B3GLCT: variants seen among roughly 807,000 people sequenced by gnomAD.
The protein encoded by B3GLCT is beta-1,3-glucosyltransferase.
B3GLCT carries 65 observed loss-of-function variants against 63.4 expected under a neutral mutation model. That is an observed-to-expected ratio of 1.03 (90% CI 0.84 to 1.26). The LOEUF is 1.26. B3GLCT is among the 50% of genes most tolerant of loss of function. The probability of loss-of-function intolerance (pLI) is 0.00; values close to 1 mark genes in which losing one functional copy is unlikely to be tolerated. For missense variants in B3GLCT, 577 were observed against 604.8 expected (o/e 0.95, Z 0.48); for synonymous variants, 233 against 219.2 (o/e 1.06, Z -0.55).
intron 12 of B3GLCT, among the ~76,000 whole-genome samples, chr13:31,299,515 G>T (rs1460187727): frequency 1.3e-5 from 2 of 152,138 alleles, no homozygotes; most frequent in Non-Finnish European, 2.9e-5. Flanking sequence ...ACCAGTCTCT[G>T]TATTGCCAGC....
chr13:31,258,789 C>A (rs752437875), intron 6 of B3GLCT, among the ~76,000 whole-genome samples: 1 of 152,154 alleles, frequency 6.6e-6, no homozygotes, highest in Admixed American at 6.5e-5. Context: ...TATTTGTTCT[C>A]ACCGGAGTTT....
chr13:31,204,824 T>G (rs1868862979), intron 1 of B3GLCT, among the ~76,000 whole-genome samples: 1 of 152,030 alleles, frequency 6.6e-6, no homozygotes, highest in Non-Finnish European at 1.5e-5. Flanking sequence ...TTAGGTTCAG[T>G]GTGCTGGGAG....
chr13:31,215,032 C>A lies in B3GLCT; in HGVS notation c.71-19C>A. The A allele has an allele frequency of 8.0e-7, 1 of 1,256,088 alleles. No individual in the cohort carries two copies. The highest frequency in any genetic ancestry group is 1.1e-6 in the Non-Finnish European group (1 of 906,708). The allele number at this position is 1,256,088 out of a possible 1,614,324, so 77.8% of individuals were successfully genotyped here. On this transcript the variant is annotated intron_variant, in intron 1 of 14. Transcript: ENST00000343307. ...TGCTAATTCTAAGGTAGAAATATTT[C>A]TTTTTTTTTTTTTTCCAGCTTTTGG... is the stretch of plus-strand genomic sequence containing the variant.
At chr13:31,280,400 A>G (rs1873013030) in intron 10 of B3GLCT, among the ~76,000 whole-genome samples, 1 of 152,184 alleles carries the variant, frequency 6.6e-6, no homozygotes, top group Non-Finnish European at 1.5e-5. Flanking sequence ...TGTGGTAGAA[A>G]TACTTCAGTA....
At chr13:31,317,742 C>T (rs746527870) in intron 13 of B3GLCT, 57 bp downstream of exon 13, 241 of 1,608,702 alleles carry the variant, frequency 1.5e-4, no homozygotes, top group Middle Eastern at 3.4e-4. Context: ...CCTTTCCACA[C>T]GAGAGGTAGG....
intron 1 of B3GLCT, among the ~76,000 whole-genome samples, chr13:31,201,281 G>A (rs563305347): frequency 6.6e-6 from 1 of 152,208 alleles, no homozygotes; most frequent in African/African-American, 2.4e-5. Flanking sequence ...TAAGCTCTCT[G>A]AATAAGGATT....
chr13:31,241,452 G>T (rs1259744974), intron 4 of B3GLCT, among the ~76,000 whole-genome samples: 1 of 152,230 alleles, frequency 6.6e-6, no homozygotes, highest in African/African-American at 2.4e-5. Context: ...GGTGCCAGTG[G>T]TGTGTGATGC....
rs76511888 is a variant in B3GLCT, at chr13:31,214,516, G to C, written c.71-535G>C. Among the ~76,000 whole-genome samples, 1,203 of 152,212 alleles carry C rather than the reference G, an allele frequency of 7.9e-3. 17 individuals are homozygous for C. The highest frequency in any genetic ancestry group is 0.028 in the African/African-American group (1,155 of 41,530). Reference sequence around the variant, plus strand: ...TCTCCCGGCCCCATTGCCTTAGTAGGGTTCTGTTAGGGTTTAGTAGGGTTC... The same window carrying C: ...TCTCCCGGCCCCATTGCCTTAGTAGCGTTCTGTTAGGGTTTAGTAGGGTTC... On this transcript the variant is annotated intron_variant, in intron 1 of 14. Coordinates refer to ENST00000343307, the MANE Select transcript of B3GLCT (RefSeq NM_194318.4).
intron 14 of B3GLCT, among the ~76,000 whole-genome samples, chr13:31,327,148 A>G (rs951404070): frequency 1.3e-5 from 2 of 152,206 alleles, no homozygotes; most frequent in African/African-American, 2.4e-5. Flanking sequence ...TATATTTTAC[A>G]TACCTATGAT....
intron 6 of B3GLCT, 123 bp from the exon 7 acceptor site, chr13:31,260,823 T>C: frequency 1.2e-6 from 1 of 835,382 alleles, no homozygotes; most frequent in Non-Finnish European, 1.9e-6. Flanking sequence ...AAATATTTAA[T>C]CTGTGCTAAT....
At chr13:31,237,435 C>T (rs1242487877) in intron 4 of B3GLCT, among the ~76,000 whole-genome samples, 3 of 147,568 alleles carry the variant, frequency 2.0e-5, no homozygotes, top group Non-Finnish European at 3.0e-5. Context: ...CTCACTGCAA[C>T]CTCTGCCTTC....
At chr13:31,202,560 G>A (rs1868733437) in intron 1 of B3GLCT, among the ~76,000 whole-genome samples, 1 of 152,180 alleles carries the variant, frequency 6.6e-6, no homozygotes, top group African/African-American at 2.4e-5. Context: ...ATCTGGGTTG[G>A]GGGGAAGGAT....
chr13:31,221,656 T>C (rs1199793658), intron 2 of B3GLCT, among the ~76,000 whole-genome samples: 1 of 152,238 alleles, frequency 6.6e-6, no homozygotes, highest in Non-Finnish European at 1.5e-5. Flanking sequence ...TGTTTAGCTC[T>C]CTCTTCCCCG....
intron 2 of B3GLCT, among the ~76,000 whole-genome samples, chr13:31,220,212 T>A (rs899888354): frequency 3.9e-5 from 6 of 152,248 alleles, no homozygotes; most frequent in African/African-American, 1.4e-4. Flanking sequence ...TATAAAATTC[T>A]TTCGAGGGTG....
At chr13:31,229,322 C>T (rs1236400494) in intron 4 of B3GLCT, 28 bp downstream of exon 4, 4 of 1,317,372 alleles carry the variant, frequency 3.0e-6, no homozygotes, top group Non-Finnish European at 4.4e-6. Context: ...GGGGGTCTGC[C>T]AGTTATGTAT....
At chr13:31,269,368 T>A (rs1163082887) in intron 8 of B3GLCT, 91 bp downstream of exon 8, 4 of 920,002 alleles carry the variant, frequency 4.3e-6, no homozygotes, top group Non-Finnish European at 5.2e-6. Flanking sequence ...TAATCTTGCA[T>A]TTTCCCCACC....
At chr13:31,208,845 A>G (rs7321000) in intron 1 of B3GLCT, among the ~76,000 whole-genome samples, 143,139 of 151,800 alleles carry the variant, frequency 0.94, 68,033 homozygotes, top group East Asian at 1. Context: ...CCCCAATACC[A>G]CCCCCTCCCA....
intron 7 of B3GLCT, among the ~76,000 whole-genome samples, chr13:31,265,777 C>T (rs1352359564): frequency 1.3e-5 from 2 of 152,200 alleles, no homozygotes; most frequent in Non-Finnish European, 2.9e-5. Flanking sequence ...ATCGAGATTT[C>T]CTTCAGCAGG....
intron 8 of B3GLCT, among the ~76,000 whole-genome samples, chr13:31,271,000 T>C (rs1228491235): frequency 6.6e-6 from 1 of 152,142 alleles, no homozygotes; most frequent in Non-Finnish European, 1.5e-5. Context: ...TACACACGAG[T>C]TGAAGAGGAC....
Sources: allele counts gnomAD v4.1 joint callset (sites outside exome capture counted in the v4.1 genomes callset), GRCh38; gene constraint gnomAD v4.1.1; transcripts MANE v1.5; gene names NCBI Gene and HGNC (gene_info 2026-07-23, HGNC 2026-07-21).